The following XKR3 variants were observed in gnomAD, a reference collection of about 807,000 sequenced individuals.
XKR3 encodes the protein XK related 3.
XKR3 carries 27 observed loss-of-function variants against 40.3 expected under a neutral mutation model. The observed-to-expected ratio is 0.67, with a 90% CI of 0.49 to 0.92. XKR3 has a LOEUF of 0.92. Ranked by LOEUF, XKR3 falls within the 40% of genes least tolerant of loss-of-function variation. XKR3 has a pLI of 0.00. For synonymous variants in XKR3, 193 were observed against 195.4 expected, an observed-to-expected ratio of 0.99 and a Z score of 0.10; for missense variants, 472 against 537.6, an observed-to-expected ratio of 0.88 and a Z score of 1.21.
chr22:16,805,504 TTATC>T (rs2060186102), intron 2 of XKR3, among the ~76,000 whole-genome samples: 4 of 152,158 alleles, frequency 2.6e-5, no homozygotes, highest in Admixed American at 2.6e-4. Flanking sequence ...CTCCCCAAAC[TTATC>T]TACAGATTCA....
intron 3 of XKR3, among the ~76,000 whole-genome samples, chr22:16,786,910 A>C (rs2060092972): frequency 1.3e-5 from 2 of 152,172 alleles, no homozygotes. Flanking sequence ...ATAAGGTGCC[A>C]GTTGTGAGTG....
rs201069096 is a variant in XKR3, at chr22:16,784,229, A to G, written c.770T>C (p.Ile257Thr). 9.3e-6 allele frequency: 15 copies of G among 1,614,190 alleles called. No homozygotes were observed. The East Asian group carries it at 1.1e-4, about 12-fold the overall frequency. The stretch of plus-strand genomic sequence containing the variant: ...TAGGCTCTTCAGTTTCAGAGATGCA[A>G]TGAAAAATGCCAGAGTCACTACACG... ...ISRVVTLAFF[I>T]ASLKLKSLPV... Residue 257 changes from isoleucine to threonine, a missense_variant, in exon 4 of 4, where the codon ATT (isoleucine) becomes ACT (threonine). Transcript: ENST00000684488.
Position 16,784,258 on chromosome 22 carries a change from G to C in XKR3, c.741C>G (p.Ile247Met), listed in dbSNP as rs201138835. 1 of 1,614,104 alleles carries C rather than the reference G, an allele frequency of 6.2e-7. No homozygotes were observed. Among genetic ancestry groups the C allele is most frequent in the Admixed American group, 1.7e-5 (1 of 59,998 alleles). ...CVVMWRFLEV[I>M]SRVVTLAFFI... ...AAAATGCCAGAGTCACTACACGTGA[G>C]ATAACCTCCAAAAAACGCCACATCA... Residue 247 changes from isoleucine to methionine, a missense_variant, in exon 4 of 4, where the codon ATC becomes ATG. Transcript: ENST00000684488.
intron 1 of XKR3, among the ~76,000 whole-genome samples, chr22:16,823,057 G>GT (rs1407408159): frequency 6.6e-6 from 1 of 151,968 alleles, no homozygotes; most frequent in East Asian, 1.9e-4. Flanking sequence ...TAATTTTTGT[G>GT]TTTTTTGAGG....
chr22:16,807,688 A>G (rs375927120), intron 2 of XKR3, 51 bp downstream of exon 2: 48 of 1,435,300 alleles, frequency 3.3e-5, no homozygotes, highest in East Asian at 3.2e-4. Flanking sequence ...ATCTATTTAT[A>G]TTCAATTTAC....
chr22:16,793,090 G>T (rs1455317328), intron 3 of XKR3, among the ~76,000 whole-genome samples: 2 of 152,038 alleles, frequency 1.3e-5, no homozygotes, highest in Non-Finnish European at 2.9e-5. Context: ...TTGGCTCACC[G>T]CAACCTCTGC....
chr22:16,802,499 T>TA (rs1293860421), intron 2 of XKR3, among the ~76,000 whole-genome samples: 1 of 152,100 alleles, frequency 6.6e-6, no homozygotes, highest in Non-Finnish European at 1.5e-5. Context: ...TTCTTTTTTT[T>TA]TTCTTTTTTT....
chr22:16,785,582 C>T (rs1449438650), intron 3 of XKR3, among the ~76,000 whole-genome samples: 5 of 151,804 alleles, frequency 3.3e-5, no homozygotes, highest in African/African-American at 1.2e-4. Context: ...ATACACTCTT[C>T]AGCTGGGCAT....
intron 3 of XKR3, among the ~76,000 whole-genome samples, chr22:16,795,137 T>G (rs1185334632): frequency 6.6e-6 from 1 of 152,114 alleles, no homozygotes; most frequent in East Asian, 1.9e-4. Flanking sequence ...TAGCCTAAGA[T>G]GGACTCTGAG....
At chr22:16,784,820 G>A (rs1198964840) in intron 3 of XKR3, among the ~76,000 whole-genome samples, 27 of 152,316 alleles carry the variant, frequency 1.8e-4, no homozygotes, top group African/African-American at 6.3e-4. Context: ...TTTATAGAAA[G>A]TTAAGAGTGT....
rs529000253 is a variant in XKR3, at chr22:16,811,638, C to T, written c.-10-3555G>A. Among the ~76,000 whole-genome samples the T allele has an allele frequency of 7.2e-5, 11 of 152,164 alleles. No individual in the cohort carries two copies. The South Asian group carries it at 1.2e-3, about 17-fold the overall frequency. ...ATGTAAGTTATATTCTTCACGTGTA[C>T]GCTGAACAATTTATAATTTAATGTT... On this transcript the variant is annotated intron_variant, in intron 1 of 3. Coordinates refer to ENST00000684488, the MANE Select transcript of XKR3 (RefSeq NM_001386955.1).
chr22:16,817,170 T>A (rs201564171), intron 1 of XKR3, among the ~76,000 whole-genome samples: 1 of 118,398 alleles, frequency 8.4e-6, no homozygotes, highest in African/African-American at 2.7e-5. Flanking sequence ...GAGATATAAT[T>A]CTCTATTTAA....
At chr22:16,794,799 A>G (rs1279469336) in intron 3 of XKR3, among the ~76,000 whole-genome samples, 4 of 152,186 alleles carry the variant, frequency 2.6e-5, no homozygotes, top group East Asian at 1.9e-4. Context: ...CTCACATCCA[A>G]TGACACCTGT....
chr22:16,801,498 C>T (rs1003645760), intron 2 of XKR3, among the ~76,000 whole-genome samples: 15 of 152,286 alleles, frequency 9.8e-5, no homozygotes, highest in African/African-American at 3.1e-4. Context: ...GCTGAGATTA[C>T]ACCACTGCTC....
chr22:16,812,861 T>A (rs2060218127), intron 1 of XKR3, among the ~76,000 whole-genome samples: 1 of 152,206 alleles, frequency 6.6e-6, no homozygotes, highest in Non-Finnish European at 1.5e-5. Context: ...AGCCATTTTC[T>A]GTCTCTGTGG....
rs1193387351 is a variant in XKR3 at position 16,784,057 on chromosome 22, A to C, written c.942T>G (p.Tyr314Ter). The change falls in exon 4 of 4, where the codon TAT becomes TAG. Residue 314 changes from tyrosine to a stop codon, truncating the protein, a stop_gained. Transcript: ENST00000684488. LOFTEE classifies it high-confidence loss of function. The stretch of plus-strand genomic sequence containing the variant: ...ACCAGCAGGAGAAGTTGATGGCAGC[A>C]TATAGCAGTGTGATCAAGAAAAGCA... ...VLMLFLITLL[Y>*]AAINFSCWSA... 3.7e-6 allele frequency: 6 copies of C among 1,614,130 alleles called. No individual in the cohort carries two copies. The African/African-American group carries it at 5.3e-5, about 14-fold the overall frequency.
chr22:16,825,260 T>A (rs2060268812), intron 1 of XKR3, among the ~76,000 whole-genome samples, 31 bp downstream of exon 1: 1 of 152,186 alleles, frequency 6.6e-6, no homozygotes, highest in African/African-American at 2.4e-5. Context: ...AAGAAGCTGA[T>A]CTGAGATGGT....
At chr22:16,818,561 G>A (rs925231259) in intron 1 of XKR3, among the ~76,000 whole-genome samples, 2 of 151,634 alleles carry the variant, frequency 1.3e-5, no homozygotes. Flanking sequence ...GTTCTATGGA[G>A]AATAACCAAA....
intron 1 of XKR3, among the ~76,000 whole-genome samples, chr22:16,812,656 C>CA (rs2060217406): frequency 6.6e-6 from 1 of 152,152 alleles, no homozygotes; most frequent in Non-Finnish European, 1.5e-5. Flanking sequence ...GGCAGGGAGA[C>CA]AGAGTGTGAA....
Sources: gnomAD v4.1 joint callset for allele counts (sites outside exome capture counted in the v4.1 genomes callset) on GRCh38, gnomAD v4.1.1 for gene constraint, MANE v1.5 for transcripts, NCBI Gene and HGNC (gene_info 2026-07-23, HGNC 2026-07-21) for gene names.